DCC: variants seen among roughly 807,000 people sequenced by gnomAD.
DCC encodes netrin receptor DCC.
A neutral mutation model predicts 172.5 loss-of-function variants in DCC; 58 were observed. That is an observed-to-expected ratio of 0.34 (90% CI 0.27 to 0.42). DCC has a LOEUF of 0.42. Ranked by LOEUF, DCC falls within the 10% of genes least tolerant of loss-of-function variation. DCC has a pLI of 1.00. For synonymous variants in DCC, 709 were observed against 644.5 expected (o/e 1.10, Z -1.52); for missense variants, 1,740 against 1,791.0 (o/e 0.97, Z 0.51).
chr18:52,707,394 G>C (rs75875036), intron 1 of DCC, among the ~76,000 whole-genome samples: 1 of 152,226 alleles, frequency 6.6e-6, no homozygotes, highest in East Asian at 1.9e-4. Flanking sequence ...GAAAGTTTTT[G>C]TAGCTTCAGG....
intron 25 of DCC, among the ~76,000 whole-genome samples, chr18:53,482,104 A>G (rs2045839372): frequency 6.6e-6 from 1 of 151,988 alleles, no homozygotes; most frequent in South Asian, 2.1e-4. Context: ...GACTTTCAAA[A>G]CTGACGTCAA....
At position 53,339,861 on chromosome 18, in the gene DCC, A is replaced by G; in HGVS notation, c.2313A>G (p.Thr771=). 4 of 1,613,920 alleles carry G rather than the reference A, an allele frequency of 2.5e-6. No individual in the cohort carries two copies. The highest frequency in any genetic ancestry group is 3.4e-6 in the Non-Finnish European group (4 of 1,179,886). The stretch of plus-strand genomic sequence containing the variant: ...GCGTTGGGAGCCCTTACGCTGAGAC[A>G]GTGCGTGTGGACAGCAAGCAGCGAT... ...GYGVGSPYAE[T]VRVDSKQRYY... Residue 771 remains threonine, a synonymous_variant, in exon 15 of 29, where the codon ACA becomes ACG. Transcript: ENST00000442544.
At chr18:53,457,897 A>G (rs568507144) in intron 23 of DCC, among the ~76,000 whole-genome samples, 1 of 152,330 alleles carries the variant, frequency 6.6e-6, no homozygotes, top group East Asian at 1.9e-4. Context: ...GCTTCAAGAA[A>G]GACAAAAAAA....
At chr18:52,844,755 T>G (rs1379682419) in intron 2 of DCC, among the ~76,000 whole-genome samples, 1 of 152,148 alleles carries the variant, frequency 6.6e-6, no homozygotes, top group Admixed American at 6.5e-5. Flanking sequence ...TATTGCTTCT[T>G]TTATTCATGA....
intron 1 of DCC, among the ~76,000 whole-genome samples, chr18:52,496,719 T>C (rs2030766843): frequency 6.6e-6 from 1 of 152,144 alleles, no homozygotes; most frequent in Non-Finnish European, 1.5e-5. Flanking sequence ...ATTTCAATGA[T>C]CTGAGGCTGC....
intron 19 of DCC, among the ~76,000 whole-genome samples, chr18:53,407,566 C>T (rs1909744575): frequency 1.9e-5 from 2 of 105,778 alleles, no homozygotes; most frequent in African/African-American, 6.4e-5. Flanking sequence ...TTCACTATTA[C>T]TCTCTCTCTA....
intron 5 of DCC, among the ~76,000 whole-genome samples, chr18:52,947,953 G>A (rs186134527): frequency 2.7e-3 from 408 of 152,166 alleles, no homozygotes; most frequent in African/African-American, 9.2e-3. Context: ...AAAGACAAGC[G>A]TCCACAATTT....
chr18:53,168,271 T>G (rs903694954), intron 8 of DCC, among the ~76,000 whole-genome samples: 12 of 152,026 alleles, frequency 7.9e-5, no homozygotes. Flanking sequence ...ACACGTGTGT[T>G]TATTGCGGCA....
chr18:52,505,667 AT>A (rs1308059588), intron 1 of DCC, among the ~76,000 whole-genome samples: 5 of 152,174 alleles, frequency 3.3e-5, no homozygotes, highest in Non-Finnish European at 7.4e-5. Flanking sequence ...AGTCCACACC[AT>A]CTGAGAATTG....
At chr18:53,306,919 T>TA (rs1159529751) in intron 13 of DCC, among the ~76,000 whole-genome samples, 1 of 152,176 alleles carries the variant, frequency 6.6e-6, no homozygotes, top group Non-Finnish European at 1.5e-5. Context: ...GCACATGACT[T>TA]ACAATTTATA....
At chr18:52,819,724 C>CT (rs5824965) in intron 2 of DCC, among the ~76,000 whole-genome samples, 97,413 of 148,288 alleles carry the variant, frequency 0.66, 32,447 homozygotes, top group East Asian at 0.88. Flanking sequence ...AACTTGTGAA[C>CT]TTTTTTTTTT....
intron 1 of DCC, among the ~76,000 whole-genome samples, chr18:52,646,481 C>T (rs1462647145): frequency 6.6e-6 from 1 of 152,150 alleles, no homozygotes; most frequent in African/African-American, 2.4e-5. Flanking sequence ...TTTGGTCCCA[C>T]AAGACTGCCT....
chr18:52,345,471 A>C (rs917662041), intron 1 of DCC, among the ~76,000 whole-genome samples: 1 of 152,212 alleles, frequency 6.6e-6, no homozygotes, highest in East Asian at 1.9e-4. Context: ...TTAAGGAATC[A>C]TAGCTTGGAA....
intron 26 of DCC, among the ~76,000 whole-genome samples, chr18:53,495,588 T>C (rs2046012264): frequency 6.6e-6 from 1 of 152,048 alleles, no homozygotes; most frequent in Admixed American, 6.6e-5. Context: ...TCTGACAATT[T>C]GACGATTATG....
intron 5 of DCC, among the ~76,000 whole-genome samples, chr18:53,062,305 C>T (rs1239918744): frequency 6.6e-6 from 1 of 151,978 alleles, no homozygotes; most frequent in Non-Finnish European, 1.5e-5. Flanking sequence ...TTAGAAAGAG[C>T]AAAATACAGC....
At chr18:53,244,098 C>T (rs751814147) in intron 12 of DCC, among the ~76,000 whole-genome samples, 13 of 152,126 alleles carry the variant, frequency 8.5e-5, no homozygotes, top group African/African-American at 9.7e-5. Flanking sequence ...CCAGATGTGA[C>T]GGATTTTTCA....
intron 3 of DCC, among the ~76,000 whole-genome samples, chr18:52,909,672 G>A (rs11082956): frequency 9.9e-5 from 15 of 152,140 alleles, no homozygotes; most frequent in African/African-American, 1.4e-4. Context: ...TTAAAGTGCT[G>A]TCTTTCAGCG....
At chr18:53,336,308 A>G (rs2057590540) in intron 14 of DCC, among the ~76,000 whole-genome samples, 1 of 152,198 alleles carries the variant, frequency 6.6e-6, no homozygotes, top group Non-Finnish European at 1.5e-5. Flanking sequence ...AGTTCATTCC[A>G]GTAGTAACCA....
chr18:53,074,598 A>C (rs2042701097), intron 7 of DCC, among the ~76,000 whole-genome samples: 1 of 152,214 alleles, frequency 6.6e-6, no homozygotes, highest in South Asian at 2.1e-4. Flanking sequence ...GTTAAAAATA[A>C]GAGAATAGTA....
Sources: gnomAD v4.1 joint callset for allele counts (sites outside exome capture counted in the v4.1 genomes callset) on GRCh38, gnomAD v4.1.1 for gene constraint, MANE v1.5 for transcripts, NCBI Gene and HGNC (gene_info 2026-07-23, HGNC 2026-07-21) for gene names.